CNTRL: variants seen among roughly 807,000 people sequenced by gnomAD.
The protein encoded by CNTRL is 110 kDa centrosomal protein.
A neutral mutation model predicts 303.7 loss-of-function variants in CNTRL; 233 were observed. The observed-to-expected ratio is 0.77, with a 90% CI of 0.69 to 0.86. The LOEUF is 0.86. Among genes scored for constraint, CNTRL ranks in the 40% least tolerant of loss-of-function variants. CNTRL has a pLI of 0.00. For synonymous variants in CNTRL, 900 were observed against 922.2 expected (o/e 0.98, Z 0.44); for missense variants, 2,524 against 2,650.6 (o/e 0.95, Z 1.05).
At chr9:121,171,015 A>G (rs1361044832) in intron 39 of CNTRL, among the ~76,000 whole-genome samples, 1 of 152,172 alleles carries the variant, frequency 6.6e-6, no homozygotes, top group Non-Finnish European at 1.5e-5. Context: ...TATGAAAGGA[A>G]CTTTTAAACC....
chr9:121,150,267 G>T lies in CNTRL; in HGVS notation c.3747G>T (p.Val1249=). 1.2e-6 allele frequency: 2 copies of T among 1,614,164 alleles called. No homozygotes were observed. Among genetic ancestry groups the T allele is most frequent in the Non-Finnish European group, 1.7e-6 (2 of 1,180,018 alleles). Reference sequence around the variant, plus strand: ...CTCCTGGATACATGATGTATACTGTGCTTCCTGATGGTTCTCCTGTACCCC... The same window carrying T: ...CTCCTGGATACATGATGTATACTGTTCTTCCTGATGGTTCTCCTGTACCCC... ...VPPPGYMMYT[V]LPDGSPVPQG... Residue 1249 remains valine (V), a synonymous_variant, in exon 25 of 44, where the codon GTG becomes GTT. Transcript: ENST00000373855.
chr9:121,152,642 A>C lies in CNTRL; in HGVS notation c.4121A>C (p.Glu1374Ala). The C allele has an allele frequency of 6.2e-7, 1 of 1,614,056 alleles. No homozygotes were observed. Among genetic ancestry groups the C allele is most frequent in the Admixed American group, 1.7e-5 (1 of 60,028 alleles). Residue 1374 changes from glutamate (E) to alanine (A), a missense_variant, in exon 26 of 44, where the codon GAG becomes GCG. Glu to Ala is a moderately radical substitution (Grantham distance 107). Coordinates refer to ENST00000373855, the MANE Select transcript of CNTRL (RefSeq NM_007018.6). The stretch of plus-strand genomic sequence containing the variant: ...CTTTTGCAAGAGAAGAAAAGCTTAG[A>C]GTGTGAAGTAGAAGAATTACATAGA... ...DDLLQEKKSL[E>A]CEVEELHRTV...
intron 7 of CNTRL, among the ~76,000 whole-genome samples, chr9:121,102,135 G>A (rs908388556): frequency 1.4e-4 from 21 of 152,206 alleles, no homozygotes; most frequent in African/African-American, 4.8e-4. Flanking sequence ...GATGAACATC[G>A]ATGTGAAAAT....
intron 23 of CNTRL, 134 bp downstream of exon 23, chr9:121,146,390 G>A: frequency 2.3e-6 from 2 of 874,224 alleles, no homozygotes; most frequent in Non-Finnish European, 3.4e-6. Context: ...AGGTTCTGTA[G>A]CGTTTTTAAT....
intron 38 of CNTRL, 130 bp downstream of exon 38, chr9:121,168,451 GA>G: frequency 2.8e-6 from 2 of 706,898 alleles, no homozygotes; most frequent in East Asian, 2.7e-5. Flanking sequence ...AGTAAAGCAG[GA>G]GGTATGATAG....
At chr9:121,124,216 A>T (rs907329031) in intron 13 of CNTRL, 132 bp downstream of exon 13, 19 of 789,356 alleles carry the variant, frequency 2.4e-5, no homozygotes, top group Non-Finnish European at 3.6e-5. Context: ...ATAGGGAAAT[A>T]TTTACAGGAT....
At chr9:121,102,678 C>G (rs184417166) in intron 7 of CNTRL, among the ~76,000 whole-genome samples, 137 of 152,340 alleles carry the variant, frequency 9.0e-4, no homozygotes, top group African/African-American at 3.2e-3. Context: ...TCTCCTTAAG[C>G]TGATACGCAA....
At chr9:121,082,631 A>T (rs1050325223) in intron 2 of CNTRL, among the ~76,000 whole-genome samples, 1 of 152,208 alleles carries the variant, frequency 6.6e-6, no homozygotes, top group Non-Finnish European at 1.5e-5. Context: ...TACTGTACTG[A>T]ATACTTTAGG....
intron 18 of CNTRL, 90 bp from the exon 19 acceptor site, chr9:121,142,001 T>A (rs187755224): frequency 9.4e-7 from 1 of 1,063,944 alleles, no homozygotes; most frequent in East Asian, 2.6e-5. Flanking sequence ...CAGCCTGTTG[T>A]AAAATGGGTG....
intron 9 of CNTRL, 95 bp downstream of exon 9, chr9:121,112,673 C>A: frequency 8.1e-7 from 1 of 1,237,474 alleles, no homozygotes; most frequent in South Asian, 1.3e-5. Flanking sequence ...GGGATTTGAT[C>A]AGATATCACT....
intron 13 of CNTRL, 59 bp from the exon 14 acceptor site, chr9:121,125,657 G>A: frequency 7.1e-7 from 1 of 1,408,286 alleles, no homozygotes; most frequent in Non-Finnish European, 1.0e-6. Flanking sequence ...ACAAAATGCT[G>A]AGCAGACAAT....
Position 121,173,319 on chromosome 9 carries a change from A to G in CNTRL, c.6494A>G (p.Lys2165Arg). Residue 2165 changes from lysine to arginine, a missense_variant, in exon 41 of 44, where the codon AAG becomes AGG. Transcript: ENST00000373855. ...ATGAGGACACTTAAATCTGAGGTGAAGGATGAAATCAGAACCAGCTTGAAG... is the reference window on the plus strand; with the variant it reads ...ATGAGGACACTTAAATCTGAGGTGAGGGATGAAATCAGAACCAGCTTGAAG... ...DAMRTLKSEV[K>R]DEIRTSLKNL... The G allele has an allele frequency of 6.2e-7, 1 of 1,614,108 alleles. No homozygotes were observed.
Position 121,146,100 on chromosome 9 carries a change from C to T in CNTRL, c.3311-8C>T. 1 of 1,591,794 alleles carries T rather than the reference C, an allele frequency of 6.3e-7. No homozygotes were observed. Among genetic ancestry groups the T allele is most frequent in the Non-Finnish European group, 8.5e-7 (1 of 1,172,326 alleles). On this transcript the variant is annotated splice_polypyrimidine_tract_variant and splice_region_variant and intron_variant, in intron 22 of 43. Coordinates refer to ENST00000373855, the MANE Select transcript of CNTRL (RefSeq NM_007018.6). ...ATATCAATTTCATAGAATGACTTTT[C>T]TTTACAGACAACAAAGGAGGCTTTG... is the stretch of plus-strand genomic sequence containing the variant.
chr9:121,124,937 T>C (rs1298735439), intron 13 of CNTRL, among the ~76,000 whole-genome samples: 1 of 98,574 alleles, frequency 1.0e-5, no homozygotes, highest in African/African-American at 3.3e-5. Flanking sequence ...AGAGTGAAAC[T>C]TTGTCTGAAA....
intron 2 of CNTRL, among the ~76,000 whole-genome samples, chr9:121,086,614 T>A (rs537940395): frequency 4.0e-5 from 6 of 151,650 alleles, no homozygotes; most frequent in African/African-American, 1.5e-4. Context: ...ATTTCCTTCA[T>A]TACAGACTGC....
intron 43 of CNTRL, 134 bp downstream of exon 43, chr9:121,175,358 C>CCAGGCTCAAGTGATCCTCCCACCT: frequency 1.3e-6 from 1 of 776,802 alleles, no homozygotes; most frequent in Non-Finnish European, 2.2e-6. Context: ...CCTTGACCTC[C>CCAGGCTCAAGTGATCCTCCCACCT]CAGGCTCAAG....
At chr9:121,172,574 G>A (rs1389904312) in intron 40 of CNTRL, among the ~76,000 whole-genome samples, 1 of 152,146 alleles carries the variant, frequency 6.6e-6, no homozygotes, top group African/African-American at 2.4e-5. Context: ...CTGGGAGGTT[G>A]AGACTGCAGT....
intron 43 of CNTRL, among the ~76,000 whole-genome samples, chr9:121,176,143 T>C (rs1387728537): frequency 3.9e-5 from 6 of 152,168 alleles, no homozygotes; most frequent in Non-Finnish European, 7.3e-5. Context: ...TATCATCTAA[T>C]TTTTACATCC....
chr9:121,121,878 C>T, intron 12 of CNTRL: 1 of 985,360 alleles, frequency 1.0e-6, no homozygotes, highest in Non-Finnish European at 1.2e-6. Context: ...TTGAAGACAG[C>T]ATTAGAAAGC....
Sources: gnomAD v4.1 joint callset for allele counts (sites outside exome capture counted in the v4.1 genomes callset) on GRCh38, gnomAD v4.1.1 for gene constraint, MANE v1.5 for transcripts, NCBI Gene and HGNC (gene_info 2026-07-23, HGNC 2026-07-21) for gene names.